The following ZFP69B variants were observed in gnomAD, a reference collection of about 807,000 sequenced individuals.
The protein encoded by ZFP69B is zinc finger protein 69 homolog B.
In ZFP69B, 20 loss-of-function variants were observed where a neutral mutation model predicts 19.7. The observed-to-expected ratio is 1.02, with a 90% CI of 0.71 to 1.48. The LOEUF (loss-of-function observed/expected upper bound fraction) is 1.48, where lower values mean the gene tolerates loss of function less well. ZFP69B is among the 40% of genes most tolerant of loss of function. ZFP69B has a pLI of 0.00. For synonymous variants in ZFP69B, 220 were observed against 222.7 expected, an observed-to-expected ratio of 0.99 and a Z score of 0.11; for missense variants, 583 against 632.6, an observed-to-expected ratio of 0.92 and a Z score of 0.84.
At chr1:40,460,128 C>T (rs1341552423) in intron 4 of ZFP69B, among the ~76,000 whole-genome samples, 2 of 151,992 alleles carry the variant, frequency 1.3e-5, no homozygotes, top group Non-Finnish European at 2.9e-5. Context: ...GGAAAGGCAC[C>T]CATATTTGCT....
Position 40,463,609 on chromosome 1 carries a change from A to T in ZFP69B, c.*20A>T. The T allele has an allele frequency of 1.3e-6, 2 of 1,551,870 alleles. No individual in the cohort carries two copies. Among genetic ancestry groups the T allele is most frequent in the Middle Eastern group, 1.7e-4 (1 of 5,728 alleles). On this transcript the variant is annotated 3_prime_UTR_variant, in exon 5 of 5. Coordinates refer to ENST00000361584, the MANE Select transcript of ZFP69B (RefSeq NM_023070.3). ...GTGTGAAATATACTAAACATCAAAGAATCTATGTTGGAGCACAAGATTCTA... is the reference window on the plus strand; with the variant it reads ...GTGTGAAATATACTAAACATCAAAGTATCTATGTTGGAGCACAAGATTCTA...
chr1:40,451,992 G>C (rs1034164699), intron 1 of ZFP69B, among the ~76,000 whole-genome samples: 1 of 152,158 alleles, frequency 6.6e-6, no homozygotes, highest in Non-Finnish European at 1.5e-5. Context: ...GGGCGTGGTG[G>C]CACATGCCTG....
At chr1:40,454,711 AGCCTGTTCTTCCTC>A (rs1645217397) in intron 2 of ZFP69B, among the ~76,000 whole-genome samples, 1 of 152,128 alleles carries the variant, frequency 6.6e-6, no homozygotes, top group Non-Finnish European at 1.5e-5. Context: ...GGCTTTTCTT[AGCCTGTTCTTCCTC>A]AGAAAACCAG....
intron 4 of ZFP69B, among the ~76,000 whole-genome samples, chr1:40,460,895 C>T (rs181800294): frequency 6.7e-6 from 1 of 148,352 alleles, no homozygotes; most frequent in Non-Finnish European, 1.5e-5. Flanking sequence ...GCAGGAGAAT[C>T]ATGTGAACCC....
rs559365744 is a variant in ZFP69B at position 40,461,305 on chromosome 1, A to G, written c.437-1116A>G. On this transcript the variant is annotated intron_variant, in intron 4 of 4. Transcript: ENST00000361584. ...AATGTATGAATGGAGACATTTCAGA[A>G]TCCTCAGCGACTGGAGGGAATTTTA... 6.2e-4 allele frequency among the ~76,000 whole-genome samples: 94 copies of G among 152,312 alleles called. 1 individual carries two copies. The highest frequency in any genetic ancestry group is 2.0e-3 in the African/African-American group (85 of 41,570).
At chr1:40,452,212 G>C (rs1264154000) in intron 1 of ZFP69B, among the ~76,000 whole-genome samples, 1 of 152,156 alleles carries the variant, frequency 6.6e-6, no homozygotes, top group Admixed American at 6.5e-5. Context: ...ATGGGGAACA[G>C]ATACTCACAT....
intron 1 of ZFP69B, among the ~76,000 whole-genome samples, chr1:40,453,172 G>C (rs548264254): frequency 1.3e-5 from 2 of 151,852 alleles, no homozygotes; most frequent in Non-Finnish European, 2.9e-5. Context: ...TCTTGGCCAG[G>C]CTGGTCTCCA....
chr1:40,452,501 T>C (rs1645195323), intron 1 of ZFP69B, among the ~76,000 whole-genome samples: 2 of 152,180 alleles, frequency 1.3e-5, no homozygotes, highest in Non-Finnish European at 2.9e-5. Context: ...AAACCTCACA[T>C]TGAGGATACA....
At chr1:40,458,740 G>A (rs760836387) in intron 4 of ZFP69B, among the ~76,000 whole-genome samples, 2 of 151,972 alleles carry the variant, frequency 1.3e-5, no homozygotes, top group African/African-American at 2.4e-5. Context: ...GGCTGGTCTC[G>A]AACTCTTGGC....
At chr1:40,460,665 C>A (rs1645274030) in intron 4 of ZFP69B, among the ~76,000 whole-genome samples, 1 of 150,936 alleles carries the variant, frequency 6.6e-6, no homozygotes, top group African/African-American at 2.4e-5. Context: ...GCCAACATAG[C>A]AAAACCCCAT....
At chr1:40,459,860 A>AT (rs1557512501) in intron 4 of ZFP69B, among the ~76,000 whole-genome samples, 6 of 152,202 alleles carry the variant, frequency 3.9e-5, no homozygotes, top group South Asian at 2.1e-4. Flanking sequence ...AAGGAATAAG[A>AT]TTTTTTTGTG....
At chr1:40,459,353 G>A (rs1184440789) in intron 4 of ZFP69B, among the ~76,000 whole-genome samples, 1 of 152,098 alleles carries the variant, frequency 6.6e-6, no homozygotes, top group African/African-American at 2.4e-5. Context: ...CCACATAGAA[G>A]CTCTGTACTT....
intron 2 of ZFP69B, among the ~76,000 whole-genome samples, chr1:40,455,406 C>G (rs1044847087): frequency 6.6e-6 from 1 of 152,176 alleles, no homozygotes; most frequent in Non-Finnish European, 1.5e-5. Flanking sequence ...ATGTCTTCAA[C>G]TTTTCTCAAA....
Position 40,451,038 on chromosome 1 carries a change from C to G in ZFP69B, c.77C>G (p.Thr26Arg). 6.5e-7 allele frequency: 1 copy of G among 1,549,210 alleles called. No homozygotes were observed. Among genetic ancestry groups the G allele is most frequent in the Non-Finnish European group, 8.7e-7 (1 of 1,145,968 alleles). The change falls in exon 1 of 5, where the codon ACG (threonine) becomes AGG (arginine). Residue 26 changes from threonine (T) to arginine (R), a missense_variant. Coordinates refer to ENST00000361584, the MANE Select transcript of ZFP69B (RefSeq NM_023070.3). ...AAGTTGCGTCATCCAAAGGCGGCCACGGAGCGGGTGGCCCTGTGGGAGGAT... is the reference window on the plus strand; with the variant it reads ...AAGTTGCGTCATCCAAAGGCGGCCAGGGAGCGGGTGGCCCTGTGGGAGGAT... ...WVKLRHPKAA[T>R]ERVALWEDVT...
rs61740805 is a variant in ZFP69B, at chr1:40,462,473, G to T, written c.489G>T (p.Ser163=). 10 of 1,611,982 alleles carry T rather than the reference G, an allele frequency of 6.2e-6. No homozygotes were observed. In the East Asian group the frequency reaches 1.6e-4, roughly 25 times the overall value. Reference sequence around the variant, plus strand: ...AGTCAGCCTTACAGAATGATATTTCGTGGGAAGAACTACATTGTGGCCTAA... The same window carrying T: ...AGTCAGCCTTACAGAATGATATTTCTTGGGAAGAACTACATTGTGGCCTAA... The part of the protein sequence containing the change: ...TKESALQNDI[S]WEELHCGLMM... The change falls in exon 5 of 5, where the codon TCG becomes TCT. Residue 163 remains serine, a synonymous_variant. Coordinates refer to ENST00000361584, the MANE Select transcript of ZFP69B (RefSeq NM_023070.3).
In ZFP69B at chr1:40,463,686, A is replaced by C; in HGVS notation, c.*97A>C. 1.7e-6 allele frequency: 2 copies of C among 1,190,278 alleles called. No individual in the cohort carries two copies. The highest frequency in any genetic ancestry group is 2.3e-6 in the Non-Finnish European group (2 of 864,878). The allele number at this position is 1,190,278 out of a possible 1,614,324, so 73.7% of individuals were successfully genotyped here. On this transcript the variant is annotated 3_prime_UTR_variant, in exon 5 of 5. Coordinates refer to ENST00000361584, the MANE Select transcript of ZFP69B (RefSeq NM_023070.3). ...AATCCATTTGTTTTTGGATTTCCAA[A>C]AACGAACATTAAAAAAAAATGGTTT...
At position 40,463,328 on chromosome 1, in the gene ZFP69B, A is replaced by G. The variant is rs1557518763; in HGVS notation, c.1344A>G (p.Lys448=). 6.2e-7 allele frequency: 1 copy of G among 1,614,192 alleles called. No individual in the cohort carries two copies. Among genetic ancestry groups the G allele is most frequent in the Middle Eastern group, 1.6e-4 (1 of 6,062 alleles). Residue 448 remains lysine, a synonymous_variant, in exon 5 of 5, where the codon AAA becomes AAG. Transcript: ENST00000361584. ...CTCATACTGGAGAAAGACCATATAA[A>G]TGTAAGGAATGTGGGAAAGCCTTTA... ...QRTHTGERPY[K]CKECGKAFSQ...
At chr1:40,452,082 G>A (rs1645192081) in intron 1 of ZFP69B, among the ~76,000 whole-genome samples, 1 of 152,066 alleles carries the variant, frequency 6.6e-6, no homozygotes, top group East Asian at 1.9e-4. Context: ...CTGAGATGGC[G>A]CCACTGCACT....
Position 40,463,169 on chromosome 1 carries a change from CTG to C in ZFP69B, c.1188_1189del (p.Cys396TrpfsTer8). The C allele has an allele frequency of 1.2e-6, 2 of 1,614,108 alleles. No homozygotes were observed. Among genetic ancestry groups the C allele is most frequent in the South Asian group, 1.1e-5 (1 of 91,074 alleles). The stretch of plus-strand genomic sequence containing the variant: ...GAGAGAAACCTTTTACATGCAAAGA[CTG>C]TGGAAAAGCGTTTTTCCAGATTAGA... ...VREKPFTCKDCGKAFFQIRHL... is the reference protein window; with the variant it reads ...VREKPFTCKDXGKAFFQIRHL... On this transcript the variant is annotated frameshift_variant, in exon 5 of 5. Transcript: ENST00000361584. LOFTEE classifies it low-confidence loss of function (END_TRUNC).
Sources: allele counts gnomAD v4.1 joint callset (sites outside exome capture counted in the v4.1 genomes callset), GRCh38; gene constraint gnomAD v4.1.1; transcripts MANE v1.5; gene names NCBI Gene and HGNC (gene_info 2026-07-23, HGNC 2026-07-21).